The following TYW1 variants were observed in gnomAD, a reference collection of about 807,000 sequenced individuals.
TYW1 encodes the protein S-adenosyl-L-methionine-dependent tRNA 4-demethylwyosine synthase TYW1.
In TYW1, 46 loss-of-function variants were observed where a neutral mutation model predicts 96.2. The observed-to-expected ratio is 0.48, with a 90% confidence interval of 0.38 to 0.61. TYW1 has a LOEUF of 0.61. TYW1 is among the 20% of genes least tolerant of loss of function. The probability of loss-of-function intolerance (pLI) is 0.00; values close to 1 mark genes in which losing one functional copy is unlikely to be tolerated. For missense variants in TYW1, 684 were observed against 909.6 expected (o/e 0.75, Z 3.19); for synonymous variants, 274 against 323.0 (o/e 0.85, Z 1.63).
intron 13 of TYW1, among the ~76,000 whole-genome samples, chr7:67,148,516 C>G (rs1013104917): frequency 2.0e-5 from 3 of 150,974 alleles, no homozygotes; most frequent in Non-Finnish European, 4.4e-5. Flanking sequence ...AGCTCCGCCC[C>G]CCGGGTTCAC....
intron 13 of TYW1, among the ~76,000 whole-genome samples, chr7:67,142,965 A>G (rs977066326): frequency 1.2e-4 from 18 of 151,700 alleles, no homozygotes; most frequent in Non-Finnish European, 2.5e-4. Context: ...AGGCAGGAGA[A>G]TCTCTTGAAC....
chr7:67,130,885 G>C (rs1584599091), intron 13 of TYW1, among the ~76,000 whole-genome samples: 1 of 152,120 alleles, frequency 6.6e-6, no homozygotes, highest in Non-Finnish European at 1.5e-5. Flanking sequence ...GGAGAGCAGG[G>C]GTTGGTGTGA....
At position 67,238,783 on chromosome 7, in the gene TYW1, G is replaced by C; in HGVS notation, c.*254G>C. The C allele has an allele frequency of 7.5e-7, 1 of 1,326,940 alleles. No homozygotes were observed. The highest frequency in any genetic ancestry group is 9.7e-7 in the Non-Finnish European group (1 of 1,034,290). 82.2% of individuals were successfully genotyped at this position (1,326,940 alleles called of 1,614,324 possible). ...CTAAGAGGAAAATTATTTTGGGGAG[G>C]AACTACACAGTCGTGATTAGAATTT... On this transcript the variant is annotated 3_prime_UTR_variant, in exon 16 of 16. Transcript: ENST00000359626.
intron 7 of TYW1, among the ~76,000 whole-genome samples, chr7:67,035,292 T>C (rs184214746): frequency 1.3e-5 from 2 of 151,244 alleles, no homozygotes; most frequent in African/African-American, 2.5e-5. Flanking sequence ...CTAATTTGTA[T>C]TTTTTATAGA....
intron 13 of TYW1, among the ~76,000 whole-genome samples, chr7:67,141,556 A>C (rs1164374753): frequency 6.6e-6 from 1 of 152,184 alleles, no homozygotes; most frequent in Non-Finnish European, 1.5e-5. Context: ...TCTAGCCAAA[A>C]TATTTCACTG....
At chr7:67,202,916 C>T (rs6967381) in intron 15 of TYW1, among the ~76,000 whole-genome samples, 38,223 of 152,054 alleles carry the variant, frequency 0.25, 4,995 homozygotes, top group African/African-American at 0.3. Flanking sequence ...CCAGTGATAA[C>T]GTCTTACGTG....
At chr7:67,186,103 A>G (rs1398365329) in intron 14 of TYW1, among the ~76,000 whole-genome samples, 1 of 144,282 alleles carries the variant, frequency 6.9e-6, no homozygotes, top group Non-Finnish European at 1.5e-5. Context: ...CTGAAAATAT[A>G]TGTATCAGCT....
chr7:66,998,880 G>A lies in TYW1; in HGVS notation c.199G>A (p.Val67Ile), dbSNP rs557115043. Residue 67 changes from valine (V) to isoleucine (I), a missense_variant, in exon 3 of 16, where the codon GTC becomes ATC. Transcript: ENST00000359626. Reference protein sequence around the residue: ...AAQDLMTNGYVSLQEKDIFVS... With the variant: ...AAQDLMTNGYISLQEKDIFVS... ...TCAGGATTTGATGACAAATGGTTAT[G>A]TCTCCCTTCAAGAGAAAGACATCTT... 1.4e-5 allele frequency: 23 copies of A among 1,614,140 alleles called. No homozygotes were observed. The South Asian group carries it at 2.2e-4, about 15-fold the overall frequency.
intron 13 of TYW1, among the ~76,000 whole-genome samples, chr7:67,182,610 G>A (rs1274440355): frequency 5.9e-5 from 9 of 152,048 alleles, no homozygotes; most frequent in Non-Finnish European, 1.0e-4. Context: ...GTGGTTATAT[G>A]GCACACAAAT....
rs34764515 is a variant in TYW1 at position 67,131,397 on chromosome 7, A to G, written c.1698+13779A>G. Among the ~76,000 whole-genome samples the G allele has an allele frequency of 4.9e-4, 74 of 152,362 alleles. 1 individual carries two copies. Among genetic ancestry groups the G allele is most frequent in the African/African-American group, 1.7e-3 (70 of 41,590 alleles). On this transcript the variant is annotated intron_variant, in intron 13 of 15. Transcript: ENST00000359626. The stretch of plus-strand genomic sequence containing the variant: ...AGTGAATAAGATAGTAAGTACCACT[A>G]TAACTATAGTCTAGCTTAAGAAATA...
chr7:67,239,390 CTA>C lies in TYW1; in HGVS notation c.*864_*865del, dbSNP rs1801991716. ...CCCTGGCTGCTTTACACAATCTGTT[CTA>C]TAAGGTTCAGGTGTTTTCAAGTTGG... On this transcript the variant is annotated 3_prime_UTR_variant, in exon 16 of 16. Transcript: ENST00000359626. 1 of 984,564 alleles carries C rather than the reference CTA, an allele frequency of 1.0e-6. No individual in the cohort carries two copies. Among genetic ancestry groups the C allele is most frequent in the Non-Finnish European group, 1.2e-6 (1 of 829,286 alleles). The allele number at this position is 984,564 out of a possible 1,614,324, so 61.0% of individuals were successfully genotyped here.
At chr7:67,118,964 C>T (rs1797683854) in intron 13 of TYW1, among the ~76,000 whole-genome samples, 1 of 148,252 alleles carries the variant, frequency 6.7e-6, no homozygotes, top group African/African-American at 2.5e-5. Flanking sequence ...ATTTCTAGAA[C>T]CACATTTCCT....
intron 15 of TYW1, among the ~76,000 whole-genome samples, chr7:67,220,388 A>T (rs564872399): frequency 6.6e-6 from 1 of 151,754 alleles, no homozygotes; most frequent in South Asian, 2.1e-4. Flanking sequence ...TATTTTTAGT[A>T]AAGATGGGGT....
intron 7 of TYW1, among the ~76,000 whole-genome samples, chr7:67,039,880 C>T (rs12534327): frequency 0.04 from 6,065 of 151,438 alleles, 180 homozygotes; most frequent in Middle Eastern, 0.1. Context: ...CCAGGATGGT[C>T]TTGATCCATT....
At chr7:67,202,160 C>T (rs984885168) in intron 15 of TYW1, among the ~76,000 whole-genome samples, 4 of 152,094 alleles carry the variant, frequency 2.6e-5, no homozygotes, top group African/African-American at 7.2e-5. Context: ...TTGTTGATCT[C>T]GGAGTATGCA....
In TYW1 at chr7:66,997,894, G is replaced by A. The variant is rs186274509; in HGVS notation, c.5-171G>A. On this transcript the variant is annotated intron_variant, in intron 1 of 15. Coordinates refer to ENST00000359626, the MANE Select transcript of TYW1 (RefSeq NM_018264.4). ...TCTGCCCGCCTCAGCCACCCAAAGT[G>A]CTGGAATTACAGGCATGAGCCATCG... 5.4e-4 allele frequency among the ~76,000 whole-genome samples: 82 copies of A among 152,330 alleles called. No individual in the cohort carries two copies. The East Asian group carries it at 6.9e-3, about 13-fold the overall frequency.
chr7:67,197,971 C>G, intron 15 of TYW1, among the ~76,000 whole-genome samples: 1 of 142,286 alleles, frequency 7.0e-6, no homozygotes, highest in African/African-American at 2.7e-5. Context: ...CCCCCGCCCC[C>G]GCAGCATACA....
At chr7:67,146,174 A>G (rs1798606651) in intron 13 of TYW1, among the ~76,000 whole-genome samples, 2 of 152,212 alleles carry the variant, frequency 1.3e-5, no homozygotes, top group Admixed American at 6.5e-5. Flanking sequence ...TTTGTAACAT[A>G]AGTAGTTTTC....
intron 14 of TYW1, among the ~76,000 whole-genome samples, chr7:67,188,760 T>TCAAGGTCATATAAATGCCCC (rs1178481182): frequency 6.6e-6 from 1 of 152,128 alleles, no homozygotes; most frequent in African/African-American, 2.4e-5. Flanking sequence ...TTATGGTACC[T>TCAAGGTCATATAAATGCCCC]CAAGGTCATA....
Sources: gnomAD v4.1 joint callset for allele counts (sites outside exome capture counted in the v4.1 genomes callset) on GRCh38, gnomAD v4.1.1 for gene constraint, MANE v1.5 for transcripts, NCBI Gene and HGNC (gene_info 2026-07-23, HGNC 2026-07-21) for gene names.